MYO7A: variants seen among roughly 807,000 people sequenced by gnomAD.
MYO7A encodes the protein unconventional myosin-VIIa.
MYO7A carries 210 observed loss-of-function variants against 263.8 expected under a neutral mutation model. The observed-to-expected ratio is 0.80, with a 90% CI of 0.71 to 0.89. The LOEUF (loss-of-function observed/expected upper bound fraction) is 0.89. MYO7A is among the 40% of genes least tolerant of loss of function. The pLI, the probability that MYO7A is intolerant of heterozygous loss-of-function variation, is 0.00. For synonymous variants in MYO7A, 1,239 were observed against 1,197.3 expected, an observed-to-expected ratio of 1.03 and a Z score of -0.72; for missense variants, 2,820 against 2,968.3, an observed-to-expected ratio of 0.95 and a Z score of 1.16.
chr11:77,158,380 T>C lies in MYO7A; in HGVS notation c.953T>C (p.Ile318Thr), dbSNP rs1555065866. The C allele has an allele frequency of 6.2e-7, 1 of 1,612,768 alleles. No homozygotes were observed. Among genetic ancestry groups the C allele is most frequent in the Non-Finnish European group, 8.5e-7 (1 of 1,179,716 alleles). ...TTCACTGACACCGAGAACTGGGAGA[T>C]CTCGAAGCTCCTGGCTGCCATCCTG... The part of the protein sequence containing the change: ...LMFTDTENWE[I>T]SKLLAAILHL... Residue 318 changes from isoleucine (I) to threonine (T), a missense_variant, in exon 9 of 49, where the codon ATC becomes ACC. Physicochemically the swap from Ile to Thr is moderately conservative, Grantham distance 89 (BLOSUM62 -1). Transcript: ENST00000409709.
Position 77,184,723 on chromosome 11 carries a change from C to T in MYO7A, c.3503+8C>T. The T allele has an allele frequency of 6.4e-7, 1 of 1,553,730 alleles. No individual in the cohort carries two copies. The highest frequency in any genetic ancestry group is 8.7e-7 in the Non-Finnish European group (1 of 1,147,748). ...CCTGCGGCCAGCACTCCGGTCAGTG[C>T]CGGGAGGCGGGGACACCAGGGCCTG... On this transcript the variant is annotated splice_region_variant and intron_variant, in intron 27 of 48. Coordinates refer to ENST00000409709, the MANE Select transcript of MYO7A (RefSeq NM_000260.4).
intron 17 of MYO7A, 30 bp from the exon 18 acceptor site, chr11:77,175,342 A>G (rs1555079379): frequency 6.2e-7 from 1 of 1,606,958 alleles, no homozygotes; most frequent in South Asian, 1.1e-5. Flanking sequence ...GAGGCTGTCC[A>G]TTCCCTTGTG....
intron 4 of MYO7A, among the ~76,000 whole-genome samples, chr11:77,153,258 G>A (rs1217516595): frequency 6.6e-6 from 1 of 152,070 alleles, no homozygotes; most frequent in East Asian, 1.9e-4. Flanking sequence ...GTGTGAGGGA[G>A]GGGTGTCCAG....
At chr11:77,173,006 G>T in intron 16 of MYO7A, 121 bp downstream of exon 16, 7 of 1,368,750 alleles carry the variant, frequency 5.1e-6, no homozygotes, top group Non-Finnish European at 6.8e-6. Context: ...GGAATGGGGG[G>T]CACCCCGGGA....
At chr11:77,145,681 TC>T (rs782077254) in intron 3 of MYO7A, among the ~76,000 whole-genome samples, 6 of 152,132 alleles carry the variant, frequency 3.9e-5, no homozygotes, top group Non-Finnish European at 8.8e-5. Flanking sequence ...CCAGGCAGGT[TC>T]CCTAACAGTA....
intron 4 of MYO7A, among the ~76,000 whole-genome samples, chr11:77,148,421 C>T (rs540050719): frequency 6.6e-5 from 10 of 152,324 alleles, no homozygotes; most frequent in African/African-American, 2.2e-4. Flanking sequence ...TCTGCTCCTC[C>T]ACCCCTCAAA....
intron 2 of MYO7A, among the ~76,000 whole-genome samples, chr11:77,142,159 C>T (rs1407496766): frequency 1.3e-5 from 2 of 152,246 alleles, no homozygotes; most frequent in African/African-American, 4.8e-5. Context: ...GCGACATCCT[C>T]CCCCAGGATC....
chr11:77,206,188 G>T lies in MYO7A; in HGVS notation c.5728G>T (p.Asp1910Tyr). ...TQIFHKVYFP[D>Y]DTDEAFEVES... ...GATTTTCCACAAAGTCTACTTCCCT[G>T]ATGACACTGACGAGGTGAGGGTCAC... Residue 1910 changes from aspartate (D) to tyrosine (Y), a missense_variant, in exon 41 of 49, where the codon GAT (aspartate) becomes TAT (tyrosine). Transcript: ENST00000409709. The T allele has an allele frequency of 6.2e-7, 1 of 1,612,332 alleles. No homozygotes were observed. The highest frequency in any genetic ancestry group is 8.5e-7 in the Non-Finnish European group (1 of 1,179,114).
chr11:77,188,367 T>C (rs1555089514), intron 27 of MYO7A, among the ~76,000 whole-genome samples: 1 of 152,234 alleles, frequency 6.6e-6, no homozygotes, highest in African/African-American at 2.4e-5. Flanking sequence ...GGGATCTAGA[T>C]AGTGGGCAGG....
At chr11:77,135,742 TTTGTTTTG>T (rs1950886074) in intron 2 of MYO7A, among the ~76,000 whole-genome samples, 1 of 62,416 alleles carries the variant, frequency 1.6e-5, no homozygotes, top group South Asian at 6.6e-4. Flanking sequence ...TATTTTCTGT[TTTGTTTTG>T]TTTTGTTTTG....
Position 77,204,094 on chromosome 11 carries a change from G to C in MYO7A, c.5345G>C (p.Gly1782Ala), listed in dbSNP as rs751242455. ...TCCCCAGCTGTGCTCAAGTACATGG[G>C]CGACTACCCGTCCAAGAGGACACGC... ...LAFIAVLKYM[G>A]DYPSKRTRSV... The change falls in exon 39 of 49, where the codon GGC becomes GCC. Residue 1782 changes from glycine (G) to alanine (A), a missense_variant. Physicochemically the swap from Gly to Ala is moderately conservative, Grantham distance 60. Transcript: ENST00000409709. 2.0e-5 allele frequency: 32 copies of C among 1,601,578 alleles called. No individual in the cohort carries two copies. In the South Asian group the frequency reaches 3.2e-4, roughly 16 times the overall value.
At position 77,162,848 on chromosome 11, in the gene MYO7A, C is replaced by A. The variant is rs569844918; in HGVS notation, c.1555-5C>A. 6.2e-7 allele frequency: 1 copy of A among 1,613,036 alleles called. No individual in the cohort carries two copies. On this transcript the variant is annotated splice_polypyrimidine_tract_variant and splice_region_variant and intron_variant, in intron 13 of 48. Coordinates refer to ENST00000409709, the MANE Select transcript of MYO7A (RefSeq NM_000260.4). The stretch of plus-strand genomic sequence containing the variant: ...TGGGCTCACAGCTGCCCCTCCACTC[C>A]CCAGGGCACAGACACCACCATGTTA...
intron 2 of MYO7A, among the ~76,000 whole-genome samples, chr11:77,131,305 G>A (rs575290311): frequency 1.3e-5 from 2 of 152,330 alleles, no homozygotes; most frequent in African/African-American, 2.4e-5. Context: ...CATTATGGGG[G>A]CTTGGCCAGC....
In MYO7A at chr11:77,156,827, C is replaced by T. The variant is rs782112034; in HGVS notation, c.593-35C>T. 8.1e-6 allele frequency: 13 copies of T among 1,613,932 alleles called. No homozygotes were observed. In the Admixed American group the frequency reaches 8.3e-5, roughly 10 times the overall value. On this transcript the variant is annotated intron_variant, in intron 6 of 48. Transcript: ENST00000409709. ...GTGGGACCAGGCAGTGGGGCGGGAG[C>T]GGGCTTTGCCAGTGACACCCTACTC...
chr11:77,189,586 A>G, intron 28 of MYO7A, 116 bp downstream of exon 28: 2 of 1,436,214 alleles, frequency 1.4e-6, no homozygotes, highest in Non-Finnish European at 1.9e-6. Flanking sequence ...CCACCCGGCC[A>G]CTCCTTACTG....
rs1341570117 is a variant in MYO7A at position 77,199,702 on chromosome 11, A to G, written c.4736A>G (p.Glu1579Gly). Residue 1579 changes from glutamate (E) to glycine (G), a missense_variant, in exon 35 of 49, where the codon GAA becomes GGA. By Grantham distance (98) the Glu-to-Gly change is moderately conservative (BLOSUM62 -2). Transcript: ENST00000409709. The part of the protein sequence containing the change: ...SFTLATIKGD[E>G]YTFTSSNAED... Reference sequence around the variant, plus strand: ...ACGCTGGCCACCATCAAGGGGGACGAATACACCTTCACCTCCAGCAATGCT... The same window carrying G: ...ACGCTGGCCACCATCAAGGGGGACGGATACACCTTCACCTCCAGCAATGCT... The G allele has an allele frequency of 6.2e-7, 1 of 1,613,562 alleles. No individual in the cohort carries two copies. Among genetic ancestry groups the G allele is most frequent in the Admixed American group, 1.7e-5 (1 of 59,970 alleles).
At chr11:77,196,794 T>A (rs1223374153) in intron 32 of MYO7A, among the ~76,000 whole-genome samples, 1 of 152,182 alleles carries the variant, frequency 6.6e-6, no homozygotes, top group Admixed American at 6.5e-5. Context: ...CCTATGCCTG[T>A]GTCTACATTC....
rs59969033 is a variant in MYO7A, at chr11:77,196,366, C to CAAA, written c.4324-1103_4324-1101dup. Among the ~76,000 whole-genome samples, 1,276 of 137,428 alleles carry CAAA rather than the reference C, an allele frequency of 9.3e-3. 20 individuals carry two copies. The highest frequency in any genetic ancestry group is 0.032 in the African/African-American group (1,212 of 37,336). The allele number at this position is 137,428 out of a possible 152,430, so 90.2% of individuals were successfully genotyped here. The stretch of plus-strand genomic sequence containing the variant: ...GGGGGACAAGAGCAAGACTCCTTCT[C>CAAA]AAAAAAAAAAAAAAGGAGCTTATCT... On this transcript the variant is annotated intron_variant, in intron 32 of 48. Transcript: ENST00000409709.
At chr11:77,182,708 C>G (rs45449591) in intron 25 of MYO7A, 108 bp downstream of exon 25, 12 of 1,218,608 alleles carry the variant, frequency 9.8e-6, no homozygotes, top group Non-Finnish European at 1.3e-5. Flanking sequence ...TATAATTCAT[C>G]TCTGCCTCAC....
Sources: gnomAD v4.1 joint callset for allele counts (sites outside exome capture counted in the v4.1 genomes callset) on GRCh38, gnomAD v4.1.1 for gene constraint, MANE v1.5 for transcripts, NCBI Gene and HGNC (gene_info 2026-07-23, HGNC 2026-07-21) for gene names.